Variants in AGBL4 observed in about 807,000 individuals in gnomAD.
AGBL4 encodes the protein AGBL carboxypeptidase 4.
A neutral mutation model predicts 66.4 loss-of-function variants in AGBL4; 58 were observed. That is an observed-to-expected ratio of 0.87 (90% CI 0.71 to 1.09). The LOEUF (loss-of-function observed/expected upper bound fraction) is 1.09. Among genes scored for constraint, AGBL4 ranks in the 50% least tolerant of loss-of-function variants. AGBL4 has a pLI of 0.00. For synonymous variants in AGBL4, 234 were observed against 222.9 expected (o/e 1.05, Z -0.44); for missense variants, 579 against 631.0 (o/e 0.92, Z 0.88).
At chr1:49,031,885 A>G (rs1664256577) in intron 5 of AGBL4, among the ~76,000 whole-genome samples, 1 of 152,166 alleles carries the variant, frequency 6.6e-6, no homozygotes, top group Non-Finnish European at 1.5e-5. Flanking sequence ...CAGAAGAGTG[A>G]TAAGTCTGTT....
Position 50,009,322 on chromosome 1 carries a change from A to T in AGBL4, c.34+14441T>A, listed in dbSNP as rs374954280. 3.3e-4 allele frequency among the ~76,000 whole-genome samples: 50 copies of T among 152,362 alleles called. 1 individual carries two copies. In the South Asian group the frequency reaches 9.5e-3, roughly 29 times the overall value. On this transcript the variant is annotated intron_variant, in intron 1 of 13. Transcript: ENST00000371839. ...TTAAAAAGTTCATTCATCATGACCA[A>T]GTGGAATTTATCCCAGCAATGCAAG...
chr1:49,842,157 C>T, intron 2 of AGBL4: 1 of 404,016 alleles, frequency 2.5e-6, no homozygotes, highest in Non-Finnish European at 4.7e-6. Flanking sequence ...ACCCACACTG[C>T]ATTGGAGGAG....
At chr1:49,562,290 T>G (rs1228630889) in intron 3 of AGBL4, among the ~76,000 whole-genome samples, 1 of 152,194 alleles carries the variant, frequency 6.6e-6, no homozygotes, top group Non-Finnish European at 1.5e-5. Context: ...TTTCTTTTGC[T>G]GTGCAGAAGC....
chr1:48,546,584 AAAT>A (rs1470467799), intron 11 of AGBL4, among the ~76,000 whole-genome samples: 2 of 152,210 alleles, frequency 1.3e-5, no homozygotes, highest in Admixed American at 6.5e-5. Context: ...GGTGACGCTG[AAAT>A]ATTAGGCTAG....
chr1:48,782,096 TAGAC>T (rs1214857414), intron 6 of AGBL4, among the ~76,000 whole-genome samples: 1 of 152,226 alleles, frequency 6.6e-6, no homozygotes, highest in African/African-American at 2.4e-5. Context: ...ATTTCAATTT[TAGAC>T]AGTTTGCTCT....
At chr1:49,137,690 T>C (rs1310731277) in intron 4 of AGBL4, among the ~76,000 whole-genome samples, 2 of 152,090 alleles carry the variant, frequency 1.3e-5, no homozygotes, top group East Asian at 1.9e-4. Context: ...GGATGGATAA[T>C]GTCATAATTG....
In AGBL4 at chr1:49,026,928, C is replaced by G. The variant is rs890266256; in HGVS notation, c.594+18656G>C. 3.3e-5 allele frequency among the ~76,000 whole-genome samples: 5 copies of G among 152,074 alleles called. No homozygotes were observed. In the East Asian group the frequency reaches 9.7e-4, roughly 29 times the overall value. Reference sequence around the variant, plus strand: ...TTTATATCAACTGATGGTTCACTTACTGGTTTTGGGGGAGGGGACAGTAAA... The same window carrying G: ...TTTATATCAACTGATGGTTCACTTAGTGGTTTTGGGGGAGGGGACAGTAAA... On this transcript the variant is annotated intron_variant, in intron 5 of 13. Coordinates refer to ENST00000371839, the MANE Select transcript of AGBL4 (RefSeq NM_032785.4).
At chr1:48,882,688 C>A (rs930940996) in intron 5 of AGBL4, among the ~76,000 whole-genome samples, 1 of 152,102 alleles carries the variant, frequency 6.6e-6, no homozygotes, top group African/African-American at 2.4e-5. Context: ...ATTATTGTCA[C>A]CATGCTGTAC....
intron 3 of AGBL4, among the ~76,000 whole-genome samples, chr1:49,560,397 C>A (rs1644008882): frequency 6.6e-6 from 1 of 151,838 alleles, no homozygotes; most frequent in Admixed American, 6.6e-5. Context: ...AATTAGTGAG[C>A]CTGAAGACAG....
At chr1:48,956,514 T>A (rs1657457795) in intron 5 of AGBL4, among the ~76,000 whole-genome samples, 1 of 152,128 alleles carries the variant, frequency 6.6e-6, no homozygotes, top group African/African-American at 2.4e-5. Context: ...ATTAAAAACA[T>A]AACTGCAATT....
intron 5 of AGBL4, among the ~76,000 whole-genome samples, chr1:48,936,113 C>A (rs893049173): frequency 6.6e-6 from 1 of 151,516 alleles, no homozygotes; most frequent in African/African-American, 2.4e-5. Flanking sequence ...ATAGTGAGAC[C>A]CTGTCTCTAC....
At chr1:49,948,121 AAT>A (rs377269028) in intron 1 of AGBL4, among the ~76,000 whole-genome samples, 29,447 of 95,998 alleles carry the variant, frequency 0.31, 5,393 homozygotes, top group East Asian at 0.76. Context: ...AATGTATGTA[AAT>A]ATATATAAAT....
At chr1:49,444,428 T>G (rs995434631) in intron 3 of AGBL4, among the ~76,000 whole-genome samples, 1 of 152,128 alleles carries the variant, frequency 6.6e-6, no homozygotes, top group Non-Finnish European at 1.5e-5. Flanking sequence ...CTTATAGCAA[T>G]ATTTGCTTTA....
chr1:48,822,983 T>C (rs572842079), intron 6 of AGBL4, among the ~76,000 whole-genome samples: 12 of 152,254 alleles, frequency 7.9e-5, no homozygotes, highest in Non-Finnish European at 1.5e-4. Flanking sequence ...CTAGGTCTCA[T>C]GGTCCCAGCC....
intron 3 of AGBL4, among the ~76,000 whole-genome samples, chr1:49,611,729 C>A (rs1226761599): frequency 6.6e-6 from 1 of 152,016 alleles, no homozygotes; most frequent in African/African-American, 2.4e-5. Flanking sequence ...AACACTAAGA[C>A]AATGGAATGG....
intron 1 of AGBL4, among the ~76,000 whole-genome samples, chr1:49,883,298 T>C (rs966337207): frequency 4.6e-5 from 7 of 152,082 alleles, no homozygotes; most frequent in Admixed American, 2.6e-4. Context: ...TGCATATTTG[T>C]TTTTCCTTAT....
downstream of AGBL4, among the ~76,000 whole-genome samples, chr1:48,527,993 G>A (rs1360880574): frequency 6.6e-6 from 1 of 152,134 alleles, no homozygotes; most frequent in African/African-American, 2.4e-5. Context: ...GGCCATTCCA[G>A]CAATCCAGGT....
intron 6 of AGBL4, among the ~76,000 whole-genome samples, chr1:48,856,262 T>C (rs975943292): frequency 2.6e-5 from 4 of 152,212 alleles, no homozygotes; most frequent in Non-Finnish European, 5.9e-5. Context: ...GGAGATTGTT[T>C]ATGAAATAAT....
rs184862290 is a variant in AGBL4, at chr1:49,533,303, T to C, written c.282+164010A>G. ...TGCGCTTCTAAACTCAACATGTACC[T>C]TTAAACTGGTTGTGCTCCATGACCT... On this transcript the variant is annotated intron_variant, in intron 3 of 13. Transcript: ENST00000371839. Among the ~76,000 whole-genome samples, 348 of 152,304 alleles carry C rather than the reference T, an allele frequency of 2.3e-3. 3 individuals carry two copies. Among genetic ancestry groups the C allele is most frequent in the African/African-American group, 7.9e-3 (328 of 41,576 alleles).
Sources: gnomAD v4.1 joint callset for allele counts (sites outside exome capture counted in the v4.1 genomes callset) on GRCh38, gnomAD v4.1.1 for gene constraint, MANE v1.5 for transcripts, NCBI Gene and HGNC (gene_info 2026-07-23, HGNC 2026-07-21) for gene names.